Variants in STIL observed in about 807,000 individuals in gnomAD.
STIL encodes the protein STIL centriolar assembly protein.
Under a neutral mutation model 110.1 loss-of-function variants are expected in STIL, and 55 were observed. That is an observed-to-expected ratio of 0.50 (90% CI 0.40 to 0.63). The LOEUF (loss-of-function observed/expected upper bound fraction) is 0.63, where lower values mean the gene tolerates loss of function less well. STIL is among the 20% of genes least tolerant of loss of function. The pLI is 0.00. For missense variants in STIL, 1,358 were observed against 1,530.0 expected (o/e 0.89, Z 1.87); for synonymous variants, 481 against 530.0 (o/e 0.91, Z 1.27).
intron 5 of STIL, among the ~76,000 whole-genome samples, chr1:47,300,465 T>C (rs1410361828): frequency 1.6e-5 from 2 of 128,988 alleles, no homozygotes; most frequent in African/African-American, 6.5e-5. Context: ...AAAATGGACA[T>C]AAAATAATTT....
Position 47,301,652 on chromosome 1 carries a change from T to C in STIL, c.362A>G (p.Asp121Gly). Residue 121 changes from aspartate (D) to glycine (G), a missense_variant, in exon 5 of 17, where the codon GAC becomes GGC. Asp to Gly is a moderately conservative substitution (Grantham distance 94). Coordinates refer to ENST00000371877, the MANE Select transcript of STIL (RefSeq NM_001048166.1). ...EITPTASLPG[D>G]FLIPCKVHTQ... is the part of the protein sequence containing the mutation. ...ATGAACTTTGCATGGAATCAAAAAG[T>C]CCCCAGGAAGAGAAGCAGTAGGGGT... 1 of 1,613,976 alleles carries C rather than the reference T, an allele frequency of 6.2e-7. No homozygotes were observed.
At chr1:47,296,050 C>T (rs77958283) in intron 6 of STIL, among the ~76,000 whole-genome samples, 2 of 152,082 alleles carry the variant, frequency 1.3e-5, no homozygotes, top group Non-Finnish European at 2.9e-5. Context: ...GATTTAATAC[C>T]TTAAAACTTC....
chr1:47,268,788 TA>T (rs57909388), intron 14 of STIL, among the ~76,000 whole-genome samples: 12,531 of 144,772 alleles, frequency 0.087, 589 homozygotes, highest in Non-Finnish European at 0.1. Flanking sequence ...AATAAATAAA[TA>T]AATTAAATAA....
At chr1:47,260,183 C>G (rs1372991094) in intron 16 of STIL, 106 bp downstream of exon 16, 2 of 1,190,416 alleles carry the variant, frequency 1.7e-6, no homozygotes, top group Non-Finnish European at 2.3e-6. Context: ...GAGATTGCCA[C>G]AATACATCTA....
intron 12 of STIL, among the ~76,000 whole-genome samples, chr1:47,276,945 C>G (rs551248735): frequency 6.6e-6 from 1 of 151,142 alleles, no homozygotes; most frequent in Non-Finnish European, 1.5e-5. Context: ...CATCATTCAT[C>G]TCATCTAGAA....
chr1:47,296,045 A>C (rs1489008086), intron 6 of STIL, among the ~76,000 whole-genome samples, 197 bp from the exon 7 acceptor site: 1 of 152,216 alleles, frequency 6.6e-6, no homozygotes, highest in African/African-American at 2.4e-5. Context: ...AAAGAGATTT[A>C]ATACCTTAAA....
chr1:47,263,451 A>G (rs1644540447), intron 14 of STIL, among the ~76,000 whole-genome samples: 2 of 152,214 alleles, frequency 1.3e-5, no homozygotes, highest in Non-Finnish European at 2.9e-5. Flanking sequence ...AGGCTGAGCA[A>G]GAGGATCACT....
chr1:47,250,363 TTG>T lies in STIL; in HGVS notation c.*771_*772del, dbSNP rs1644153226. ...ATCCTAATTAAGGGGAAATACACTC[TTG>T]TATAAAAGAGTGTAAGTTTTTATTA... On this transcript the variant is annotated 3_prime_UTR_variant, in exon 17 of 17. Coordinates refer to ENST00000371877, the MANE Select transcript of STIL (RefSeq NM_001048166.1). 2 of 142,104 alleles carry T rather than the reference TTG, an allele frequency of 1.4e-5. No homozygotes were observed. The highest frequency in any genetic ancestry group is 3.2e-5 in the Non-Finnish European group (2 of 62,448). The allele number at this position is 142,104 out of a possible 1,614,324, so 8.8% of individuals were successfully genotyped here. A position where few individuals can be genotyped will look rare whatever the true frequency, so the allele number is the denominator to read the frequency against.
intron 10 of STIL, among the ~76,000 whole-genome samples, chr1:47,284,555 T>C (rs1344336430): frequency 6.6e-6 from 1 of 152,132 alleles, no homozygotes; most frequent in Non-Finnish European, 1.5e-5. Context: ...TCCATAAATA[T>C]TCAATAAAAT....
chr1:47,265,948 G>A (rs1213099559), intron 14 of STIL, among the ~76,000 whole-genome samples: 3 of 151,982 alleles, frequency 2.0e-5, no homozygotes, highest in Admixed American at 6.6e-5. Context: ...CTGTAATTTT[G>A]GTAGAGACAG....
chr1:47,282,899 T>C (rs985668711), intron 10 of STIL: 3 of 157,048 alleles, frequency 1.9e-5, no homozygotes, highest in African/African-American at 4.8e-5. Context: ...CTTATATCTA[T>C]GATGGGAAAA....
intron 14 of STIL, among the ~76,000 whole-genome samples, chr1:47,267,057 C>A (rs1281419528): frequency 6.6e-6 from 1 of 152,104 alleles, no homozygotes; most frequent in Non-Finnish European, 1.5e-5. Flanking sequence ...TTGCTTTTTC[C>A]TCCACTTGGA....
intron 8 of STIL, 58 bp from the exon 9 acceptor site, chr1:47,289,643 A>C: frequency 6.8e-7 from 1 of 1,479,954 alleles, no homozygotes; most frequent in Non-Finnish European, 9.4e-7. Context: ...TGACACTCAA[A>C]TAACTTCATG....
Position 47,280,362 on chromosome 1 carries a change from G to A in STIL, c.2096C>T (p.Pro699Leu), listed in dbSNP as rs1384464551. The A allele has an allele frequency of 6.8e-6, 11 of 1,614,122 alleles. No individual in the cohort carries two copies. The highest frequency in any genetic ancestry group is 6.7e-5 in the East Asian group (3 of 44,898). The change falls in exon 12 of 17, where the codon CCT becomes CTT. Residue 699 changes from proline (P) to leucine (L), a missense_variant. Pro to Leu is a moderately conservative substitution (Grantham distance 98, BLOSUM62 -3). Transcript: ENST00000371877. ...PSHMDLCNPQ[P>L]CTVCMHTPKT... ...GGGTGTGTGCATGCACACTGTGCAA[G>A]GCTGTGGGTTACATAAGTCCATATG... is the stretch of plus-strand genomic sequence containing the variant.
chr1:47,263,173 TGTA>T, intron 14 of STIL, 57 bp from the exon 15 acceptor site: 2 of 1,500,042 alleles, frequency 1.3e-6, no homozygotes, highest in Non-Finnish European at 1.8e-6. Flanking sequence ...ATAATTGAAA[TGTA>T]GTAACTTTAG....
chr1:47,267,070 A>G (rs1272078082), intron 14 of STIL, among the ~76,000 whole-genome samples: 1 of 152,058 alleles, frequency 6.6e-6, no homozygotes, highest in Non-Finnish European at 1.5e-5. Flanking sequence ...CACTTGGAAT[A>G]CTCATCCCCA....
chr1:47,295,505 G>A (rs562302343), intron 7 of STIL, among the ~76,000 whole-genome samples: 69 of 152,098 alleles, frequency 4.5e-4, no homozygotes, highest in African/African-American at 1.7e-3. Context: ...ACTTGAACCT[G>A]GGGGATGGAG....
intron 10 of STIL, among the ~76,000 whole-genome samples, chr1:47,284,841 G>A (rs1390763609): frequency 6.6e-6 from 1 of 151,194 alleles, no homozygotes; most frequent in African/African-American, 2.4e-5. Context: ...AGTGAGCTGA[G>A]ATCACACCAC....
intron 2 of STIL, 149 bp from the exon 3 acceptor site, chr1:47,305,145 A>G (rs1296264113): frequency 3.2e-6 from 2 of 623,108 alleles, no homozygotes; most frequent in Non-Finnish European, 5.6e-6. Flanking sequence ...ATTTTTTTTG[A>G]GACAAAGTCT....
Sources: gnomAD v4.1 joint callset for allele counts (sites outside exome capture counted in the v4.1 genomes callset) on GRCh38, gnomAD v4.1.1 for gene constraint, MANE v1.5 for transcripts, NCBI Gene and HGNC (gene_info 2026-07-23, HGNC 2026-07-21) for gene names.